The following ADGRL2 variants were observed in gnomAD, a reference collection of about 807,000 sequenced individuals.
ADGRL2 encodes the protein calcium-independent alpha-latrotoxin receptor 2.
Under a neutral mutation model 157.4 loss-of-function variants are expected in ADGRL2, and 44 were observed. The ratio of observed to expected loss-of-function variants is 0.28; its 90% CI spans 0.22 to 0.36. The LOEUF (loss-of-function observed/expected upper bound fraction) is 0.36. ADGRL2 is among the 10% of genes least tolerant of loss of function. The pLI is 1.00. For synonymous variants in ADGRL2, 585 were observed against 624.7 expected, an observed-to-expected ratio of 0.94 and a Z score of 0.95; for missense variants, 1,510 against 1,768.9, an observed-to-expected ratio of 0.85 and a Z score of 2.63.
intron 1 of ADGRL2, among the ~76,000 whole-genome samples, chr1:81,832,916 C>T (rs1251811244): frequency 6.6e-6 from 1 of 152,132 alleles, no homozygotes; most frequent in East Asian, 1.9e-4. Context: ...AAAGATTACA[C>T]ATAAAATATT....
At chr1:81,956,155 G>A (rs1653443921) in intron 11 of ADGRL2, 95 bp downstream of exon 11, 1 of 880,108 alleles carries the variant, frequency 1.1e-6, no homozygotes, top group Non-Finnish European at 1.6e-6. Flanking sequence ...TCCCAGTGCT[G>A]TACTTCTTTT....
At chr1:81,825,437 C>T (rs10158650) in intron 1 of ADGRL2, among the ~76,000 whole-genome samples, 21,310 of 151,922 alleles carry the variant, frequency 0.14, 1,657 homozygotes, top group East Asian at 0.19. Context: ...CAACCTCCAC[C>T]TCCCAGGTTC....
chr1:81,876,625 T>G (rs1319518847), intron 2 of ADGRL2, among the ~76,000 whole-genome samples: 1 of 152,108 alleles, frequency 6.6e-6, no homozygotes, highest in Non-Finnish European at 1.5e-5. Flanking sequence ...AGTTAAAGAC[T>G]TGTAGAAGTT....
At chr1:81,661,725 A>G (rs543642455) in intron 3 of ADGRL2, among the ~76,000 whole-genome samples, 1 of 152,166 alleles carries the variant, frequency 6.6e-6, no homozygotes, top group Non-Finnish European at 1.5e-5. Flanking sequence ...CCAGTTGTCT[A>G]GTCTAACTAA....
chr1:81,420,065 T>A (rs1022815527), intron 1 of ADGRL2, among the ~76,000 whole-genome samples: 1 of 151,986 alleles, frequency 6.6e-6, no homozygotes, highest in African/African-American at 2.4e-5. Context: ...AGAAATTTAA[T>A]CAAAAAAAGG....
intron 2 of ADGRL2, among the ~76,000 whole-genome samples, chr1:81,795,327 C>A (rs1294772420): frequency 1.3e-5 from 2 of 152,194 alleles, no homozygotes; most frequent in Admixed American, 6.5e-5. Flanking sequence ...CTGCAGTGAG[C>A]CATGATTGTG....
intron 3 of ADGRL2, among the ~76,000 whole-genome samples, chr1:81,917,074 CCTT>C (rs1468643650): frequency 1.3e-5 from 2 of 151,872 alleles, no homozygotes; most frequent in South Asian, 2.1e-4. Flanking sequence ...CTCAAGCTAT[CCTT>C]CTTCTACCTC....
At chr1:81,752,728 A>G (rs770624544) in intron 1 of ADGRL2, among the ~76,000 whole-genome samples, 5 of 152,182 alleles carry the variant, frequency 3.3e-5, no homozygotes, top group Non-Finnish European at 7.4e-5. Context: ...TTGCTGGGAT[A>G]CAGCCATTCG....
At chr1:81,690,184 T>C (rs1570843602) in intron 3 of ADGRL2, among the ~76,000 whole-genome samples, 1 of 152,186 alleles carries the variant, frequency 6.6e-6, no homozygotes, top group East Asian at 1.9e-4. Context: ...TATTTGTTCT[T>C]AGCCATATTC....
intron 3 of ADGRL2, among the ~76,000 whole-genome samples, chr1:81,636,451 G>T (rs2082116873): frequency 6.6e-6 from 1 of 152,076 alleles, no homozygotes; most frequent in Non-Finnish European, 1.5e-5. Flanking sequence ...TTGCTTTAGG[G>T]GTACTTTGAT....
intron 1 of ADGRL2, among the ~76,000 whole-genome samples, chr1:81,363,642 T>C (rs1377027736): frequency 6.6e-6 from 1 of 152,130 alleles, no homozygotes; most frequent in Non-Finnish European, 1.5e-5. Flanking sequence ...TCCATTGTGC[T>C]GCTGACCAAT....
chr1:81,406,201 T>TA (rs1217655022), intron 1 of ADGRL2, among the ~76,000 whole-genome samples: 3 of 152,204 alleles, frequency 2.0e-5, no homozygotes, highest in Non-Finnish European at 4.4e-5. Context: ...AATTTTTTTT[T>TA]ATCAGTGCAA....
intron 2 of ADGRL2, among the ~76,000 whole-genome samples, chr1:81,562,593 T>C (rs527289674): frequency 1.3e-5 from 2 of 152,286 alleles, no homozygotes; most frequent in African/African-American, 4.8e-5. Context: ...TTACACAGTC[T>C]TTGTTTCTTT....
intron 1 of ADGRL2, among the ~76,000 whole-genome samples, chr1:81,434,987 G>T (rs1216658658): frequency 6.6e-6 from 1 of 152,072 alleles, no homozygotes; most frequent in Non-Finnish European, 1.5e-5. Flanking sequence ...AAAAGTACTG[G>T]ACACAATTAA....
chr1:81,440,741 A>G (rs932243802), intron 1 of ADGRL2, among the ~76,000 whole-genome samples: 4 of 152,002 alleles, frequency 2.6e-5, no homozygotes, highest in Non-Finnish European at 4.4e-5. Flanking sequence ...TAGCAACCCA[A>G]TTTCTTCTGT....
At chr1:81,752,178 A>G (rs1009750160) in intron 1 of ADGRL2, among the ~76,000 whole-genome samples, 6 of 152,164 alleles carry the variant, frequency 3.9e-5, no homozygotes, top group Non-Finnish European at 1.5e-5. Context: ...CCCTTCCACC[A>G]TGTGGCATTA....
At chr1:81,454,769 T>G (rs1486095100) in intron 2 of ADGRL2, among the ~76,000 whole-genome samples, 2 of 152,190 alleles carry the variant, frequency 1.3e-5, no homozygotes, top group Non-Finnish European at 2.9e-5. Context: ...ACTGGAATGC[T>G]CCTTCCTTTT....
At chr1:81,971,368 G>T (rs1658684247) in intron 16 of ADGRL2, among the ~76,000 whole-genome samples, 1 of 152,142 alleles carries the variant, frequency 6.6e-6, no homozygotes, top group Non-Finnish European at 1.5e-5. Context: ...CCTAGTGGAG[G>T]TATTATATTT....
intron 1 of ADGRL2, among the ~76,000 whole-genome samples, chr1:81,410,535 A>G (rs551748742): frequency 6.6e-6 from 1 of 152,340 alleles, no homozygotes; most frequent in Middle Eastern, 3.4e-3. Flanking sequence ...GGTTGCAGGC[A>G]AGAAAAGAAT....
Sources: allele counts gnomAD v4.1 joint callset (sites outside exome capture counted in the v4.1 genomes callset), GRCh38; gene constraint gnomAD v4.1.1; transcripts MANE v1.5; gene names NCBI Gene and HGNC (gene_info 2026-07-23, HGNC 2026-07-21).